The following SMAP1 variants were observed in gnomAD, a reference collection of about 807,000 sequenced individuals.
The protein encoded by SMAP1 is small ArfGAP 1.
In SMAP1, 24 loss-of-function variants were observed where a neutral mutation model predicts 58.5. The observed-to-expected ratio is 0.41, with a 90% CI of 0.30 to 0.58. The LOEUF (loss-of-function observed/expected upper bound fraction) is 0.58, where lower values mean the gene tolerates loss of function less well. Ranked by LOEUF, SMAP1 falls within the 20% of genes least tolerant of loss-of-function variation. SMAP1 has a pLI of 0.29. For missense variants in SMAP1, 563 were observed against 566.3 expected (o/e 0.99, Z 0.06); for synonymous variants, 216 against 196.6 (o/e 1.10, Z -0.82).
intron 6 of SMAP1, among the ~76,000 whole-genome samples, chr6:70,818,129 C>A (rs565000064): frequency 6.6e-6 from 1 of 151,872 alleles, no homozygotes; most frequent in East Asian, 1.9e-4. Context: ...ATCAAATCTT[C>A]TTTATAATGA....
chr6:70,835,736 G>A (rs539723267), intron 6 of SMAP1, among the ~76,000 whole-genome samples: 215 of 152,090 alleles, frequency 1.4e-3, no homozygotes, highest in Middle Eastern at 6.8e-3. Context: ...CAAACTCCTG[G>A]GCTTAAGGGA....
chr6:70,859,451 T>A (rs896325941), intron 10 of SMAP1: 2 of 1,342,416 alleles, frequency 1.5e-6, no homozygotes, highest in African/African-American at 1.5e-5. Context: ...CAGACACTTA[T>A]GCCTGATTAG....
At chr6:70,687,237 A>G (rs1766971608) in intron 1 of SMAP1, among the ~76,000 whole-genome samples, 2 of 152,196 alleles carry the variant, frequency 1.3e-5, no homozygotes, top group Non-Finnish European at 2.9e-5. Flanking sequence ...TTAAAAAATG[A>G]GGATTATCAT....
At chr6:70,780,307 G>A (rs1217173448) in intron 4 of SMAP1, among the ~76,000 whole-genome samples, 2 of 152,198 alleles carry the variant, frequency 1.3e-5, no homozygotes, top group Non-Finnish European at 2.9e-5. Context: ...CAGGCATGGT[G>A]GCTCATGTCT....
chr6:70,752,381 A>G (rs558362026), intron 2 of SMAP1, among the ~76,000 whole-genome samples: 1 of 152,258 alleles, frequency 6.6e-6, no homozygotes, highest in East Asian at 1.9e-4. Flanking sequence ...AATTATGGAG[A>G]CTGATAGAAT....
intron 8 of SMAP1, among the ~76,000 whole-genome samples, chr6:70,853,708 C>A (rs1226574669): frequency 6.6e-6 from 1 of 152,106 alleles, no homozygotes; most frequent in Admixed American, 6.6e-5. Context: ...GGCTTTGCCC[C>A]TTCTTCCCCT....
intron 2 of SMAP1, among the ~76,000 whole-genome samples, chr6:70,732,807 A>AT (rs563474615): frequency 2.4e-4 from 36 of 150,604 alleles, no homozygotes; most frequent in African/African-American, 4.4e-4. Flanking sequence ...AGTTTGTTTT[A>AT]TTTTTTTTTC....
chr6:70,816,509 CAAAGAATGATTG>C (rs1268299005), intron 6 of SMAP1, among the ~76,000 whole-genome samples: 1 of 152,162 alleles, frequency 6.6e-6, no homozygotes, highest in Non-Finnish European at 1.5e-5. Flanking sequence ...ACCTGCTTCT[CAAAGAATGATTG>C]AAATACTTTT....
chr6:70,758,289 A>G lies in SMAP1; in HGVS notation c.338+3224A>G, dbSNP rs1204118960. On this transcript the variant is annotated intron_variant, in intron 3 of 10. Coordinates refer to ENST00000370455, the MANE Select transcript of SMAP1 (RefSeq NM_001044305.3). ...GCAAGAACAAAAAACCAAACACTGC[A>G]TATTCTCACTTATAGGTGGGAACTG... is the stretch of plus-strand genomic sequence containing the variant. Among the ~76,000 whole-genome samples the G allele has an allele frequency of 4.7e-5, 7 of 150,270 alleles. No homozygotes were observed. The Admixed American group carries it at 4.7e-4, about 10-fold the overall frequency.
chr6:70,795,243 G>A (rs1768552862), intron 5 of SMAP1, among the ~76,000 whole-genome samples: 1 of 152,150 alleles, frequency 6.6e-6, no homozygotes, highest in Non-Finnish European at 1.5e-5. Flanking sequence ...GATTTCATAT[G>A]TGCCCACCAA....
intron 3 of SMAP1, among the ~76,000 whole-genome samples, chr6:70,757,787 G>A (rs548814512): frequency 5.3e-5 from 8 of 152,204 alleles, no homozygotes; most frequent in South Asian, 2.1e-4. Context: ...TATCACTGGC[G>A]ATTAGAGAAA....
At chr6:70,758,700 A>G (rs994657713) in intron 3 of SMAP1, among the ~76,000 whole-genome samples, 1 of 152,010 alleles carries the variant, frequency 6.6e-6, no homozygotes, top group African/African-American at 2.4e-5. Flanking sequence ...TCTAAGTTAG[A>G]TAGTGGCATT....
chr6:70,718,819 CA>C (rs5877259), intron 1 of SMAP1, among the ~76,000 whole-genome samples: 7,872 of 57,454 alleles, frequency 0.14, 153 homozygotes, highest in East Asian at 0.21. Context: ...GACTCCATCT[CA>C]AAAAAAAAAA....
At chr6:70,719,024 C>G (rs1473845668) in intron 1 of SMAP1, among the ~76,000 whole-genome samples, 1 of 151,952 alleles carries the variant, frequency 6.6e-6, no homozygotes, top group Admixed American at 6.6e-5. Flanking sequence ...CATATATAAT[C>G]AGTGGAATTG....
chr6:70,755,258 A>T (rs1419225286), intron 3 of SMAP1, among the ~76,000 whole-genome samples, 193 bp downstream of exon 3: 1 of 152,166 alleles, frequency 6.6e-6, no homozygotes, highest in East Asian at 1.9e-4. Context: ...CACAGATTAC[A>T]TAATTACATA....
In SMAP1 at chr6:70,727,963, T is replaced by G. The variant is rs150047582; in HGVS notation, c.119-4415T>G. Among the ~76,000 whole-genome samples the G allele has an allele frequency of 7.1e-3, 1,077 of 152,140 alleles. 12 individuals are homozygous for G. The highest frequency in any genetic ancestry group is 0.024 in the African/African-American group (1,010 of 41,498). ...CTGTAGTTCTAGCTACTTGTGAGGC[T>G]GAGGTGGGAGGATCACTTGAGCCTG... On this transcript the variant is annotated intron_variant, in intron 1 of 10. Transcript: ENST00000370455.
In SMAP1 at chr6:70,667,959, T is replaced by C. The variant is rs951505269; in HGVS notation, c.-65T>C. ...CCGGCGGCGCCAGGTGCGTTCACTCTGCCCGGCTCCAGCCAGCGTCCGCCG... is the reference window on the plus strand; with the variant it reads ...CCGGCGGCGCCAGGTGCGTTCACTCCGCCCGGCTCCAGCCAGCGTCCGCCG... On this transcript the variant is annotated 5_prime_UTR_variant, in exon 1 of 11. Transcript: ENST00000370455. 7.5e-5 allele frequency: 107 copies of C among 1,428,676 alleles called. No individual in the cohort carries two copies. Among genetic ancestry groups the C allele is most frequent in the Non-Finnish European group, 1.0e-4 (107 of 1,053,608 alleles). The allele number at this position is 1,428,676 out of a possible 1,614,324, so 88.5% of individuals were successfully genotyped here.
At chr6:70,686,791 A>G (rs1000839379) in intron 1 of SMAP1, among the ~76,000 whole-genome samples, 6 of 152,212 alleles carry the variant, frequency 3.9e-5, no homozygotes, top group African/African-American at 1.4e-4. Context: ...ATTTCTTTGA[A>G]TGTAATAATA....
rs145570537 is a variant in SMAP1 at position 70,697,541 on chromosome 6, C to T, written c.118+29400C>T. Among the ~76,000 whole-genome samples the T allele has an allele frequency of 7.0e-3, 1,063 of 152,190 alleles. 7 individuals carry two copies. The highest frequency in any genetic ancestry group is 0.011 in the Non-Finnish European group (747 of 67,996). ...CAGGCTGGTCTTGAACTTCTGACCT[C>T]GTGATTTGCCTGCCTCGGCCTCCCC... On this transcript the variant is annotated intron_variant, in intron 1 of 10. Coordinates refer to ENST00000370455, the MANE Select transcript of SMAP1 (RefSeq NM_001044305.3).
Sources: allele counts gnomAD v4.1 joint callset (sites outside exome capture counted in the v4.1 genomes callset), GRCh38; gene constraint gnomAD v4.1.1; transcripts MANE v1.5; gene names NCBI Gene and HGNC (gene_info 2026-07-23, HGNC 2026-07-21).